Variants in CELF2 observed in about 807,000 individuals in gnomAD.
CELF2 encodes the protein CUG triplet repeat RNA-binding protein 2.
CELF2 carries 8 observed loss-of-function variants against 62.6 expected under a neutral mutation model. The observed-to-expected ratio is 0.13, with a 90% CI of 0.07 to 0.23. The LOEUF is 0.23. CELF2 is among the 10% of genes least tolerant of loss of function. The probability of loss-of-function intolerance (pLI) is 1.00; values close to 1 mark genes in which losing one functional copy is unlikely to be tolerated. For missense variants in CELF2, 333 were observed against 671.0 expected, an observed-to-expected ratio of 0.50 and a Z score of 5.56; for synonymous variants, 258 against 250.0, an observed-to-expected ratio of 1.03 and a Z score of -0.30.
At chr10:11,229,599 T>A (rs1467694925) in intron 3 of CELF2, among the ~76,000 whole-genome samples, 1 of 97,524 alleles carries the variant, frequency 1.0e-5, no homozygotes, top group African/African-American at 4.9e-5. Context: ...GGCATCAGTA[T>A]TTTTTTTTTT....
rs1285445234 is a variant in CELF2 at position 11,280,455 on chromosome 10, A to G, written c.841+5335A>G. On this transcript the variant is annotated intron_variant, in intron 8 of 12. Coordinates refer to ENST00000633077, the MANE Select transcript of CELF2 (RefSeq NM_001326342.2). The surrounding 1 kb of genome is among the most constrained non-coding windows in gnomAD (Gnocchi z 7.6). Reference sequence around the variant, plus strand: ...CCCCGCATAGGAGGGGAAGGCAGGCAGGTGCGATGTCCACGTTCCGGGTGA... The same window carrying G: ...CCCCGCATAGGAGGGGAAGGCAGGCGGGTGCGATGTCCACGTTCCGGGTGA... Among the ~76,000 whole-genome samples the G allele has an allele frequency of 1.3e-5, 2 of 152,212 alleles. No individual in the cohort carries two copies. The highest frequency in any genetic ancestry group is 6.5e-5 in the Admixed American group (1 of 15,286).
At chr10:11,235,815 G>T (rs1054963888) in intron 3 of CELF2, among the ~76,000 whole-genome samples, 2 of 151,232 alleles carry the variant, frequency 1.3e-5, no homozygotes, top group African/African-American at 2.4e-5. Flanking sequence ...TTTTTGGGGG[G>T]TGGGGGGACA....
rs1222826947 is a variant in CELF2 at position 11,191,926 on chromosome 10, T to A, written c.272-25499T>A. ...GGCCCCGCCCTGTGTCCACTCTACT[T>A]CTTAGGAACCTGGCAACCCCAGGGA... On this transcript the variant is annotated intron_variant, in intron 2 of 12. Coordinates refer to ENST00000633077, the MANE Select transcript of CELF2 (RefSeq NM_001326342.2). The surrounding 1 kb of genome is among the most constrained non-coding windows in gnomAD (Gnocchi z 4.1). Among the ~76,000 whole-genome samples, 2 of 152,130 alleles carry A rather than the reference T, an allele frequency of 1.3e-5. No homozygotes were observed. The highest frequency in any genetic ancestry group is 4.8e-5 in the African/African-American group (2 of 41,422).
At chr10:10,786,004 C>A in the CELF2 span, among the ~76,000 whole-genome samples, 34 of 152,120 alleles carry the variant, frequency 2.2e-4, no homozygotes, top group African/African-American at 8.0e-4. Context: ...AAATATATAT[C>A]ATTTTTATTT....
At chr10:10,703,582 A>T in the CELF2 span, among the ~76,000 whole-genome samples, 1 of 152,242 alleles carries the variant, frequency 6.6e-6, no homozygotes, top group South Asian at 2.1e-4. Context: ...ATTAAAGCAG[A>T]ATGTCTAGAG....
rs780389288 is a variant in CELF2, at chr10:11,165,463, G to T, written c.75-23G>T. ...CCCTCATCGTGCCGCCCTAACTCTG[G>T]CTCCCGGTTCCGTTTTTGACAGTAA... On this transcript the variant is annotated intron_variant, in intron 1 of 12. Coordinates refer to ENST00000633077, the MANE Select transcript of CELF2 (RefSeq NM_001326342.2). The surrounding 1 kb of genome is among the most constrained non-coding windows in gnomAD (Gnocchi z 7.4). 6.2e-7 allele frequency: 1 copy of T among 1,604,668 alleles called. No homozygotes were observed. The highest frequency in any genetic ancestry group is 1.7e-5 in the Admixed American group (1 of 59,138).
intron 2 of CELF2, among the ~76,000 whole-genome samples, chr10:10,943,629 C>T (rs1245211891): frequency 1.3e-5 from 2 of 152,098 alleles, no homozygotes; most frequent in Non-Finnish European, 2.9e-5. Flanking sequence ...GACAGAGTCT[C>T]GCTCTGTCAC....
chr10:10,848,916 G>A (rs2132716626), intron 1 of CELF2, among the ~76,000 whole-genome samples: 1 of 152,138 alleles, frequency 6.6e-6, no homozygotes, highest in Non-Finnish European at 1.5e-5. Flanking sequence ...CGTGACTATT[G>A]GCTGTTCTCA....
the CELF2 span, among the ~76,000 whole-genome samples, chr10:10,647,004 C>T: frequency 2.6e-5 from 4 of 152,176 alleles, no homozygotes; most frequent in Non-Finnish European, 5.9e-5. Flanking sequence ...CTGAAGGATA[C>T]ATTGCATTTC....
chr10:10,632,107 C>A, the CELF2 span, among the ~76,000 whole-genome samples: 1 of 152,182 alleles, frequency 6.6e-6, no homozygotes, highest in Non-Finnish European at 1.5e-5. Flanking sequence ...CCTCCTCTTC[C>A]ACTTTGTTTT....
At chr10:11,274,303 C>T (rs1201989491) in intron 7 of CELF2, among the ~76,000 whole-genome samples, 1 of 152,250 alleles carries the variant, frequency 6.6e-6, no homozygotes, top group African/African-American at 2.4e-5. Flanking sequence ...AGTCCAGCAG[C>T]ACCCCAGGGG....
upstream of CELF2, among the ~76,000 whole-genome samples, chr10:11,017,754 G>A (rs975003211): frequency 2.0e-5 from 3 of 151,986 alleles, no homozygotes; most frequent in East Asian, 3.9e-4. This position sits in a 1 kb window ranked among gnomAD's most constrained non-coding sequence, Gnocchi z 5.5. Context: ...CCGTGCCCGG[G>A]CGGTGAGCGC....
At chr10:10,517,428 G>T in the CELF2 span, among the ~76,000 whole-genome samples, 1 of 152,144 alleles carries the variant, frequency 6.6e-6, no homozygotes, top group African/African-American at 2.4e-5. Flanking sequence ...AAAACAGGGA[G>T]GTTGTCAACC....
intron 1 of CELF2, among the ~76,000 whole-genome samples, chr10:10,908,714 A>G (rs1439125483): frequency 4.6e-5 from 7 of 152,188 alleles, no homozygotes; most frequent in Non-Finnish European, 1.0e-4. Flanking sequence ...TTTCTTTGCT[A>G]TTTCCATAAG....
At chr10:10,604,225 G>T in the CELF2 span, among the ~76,000 whole-genome samples, 1 of 152,086 alleles carries the variant, frequency 6.6e-6, no homozygotes, top group Admixed American at 6.6e-5. Context: ...AACAAAAAAA[G>T]ATTTACAAAC....
intron 1 of CELF2, among the ~76,000 whole-genome samples, chr10:10,808,778 C>A (rs1390255216): frequency 6.6e-6 from 1 of 152,052 alleles, no homozygotes. Context: ...ATCTTTCTCT[C>A]CTAGGAAGAT....
Position 11,018,107 on chromosome 10 carries a change from G to A in CELF2, c.18G>A (p.Lys6=). Residue 6 remains lysine (K), a synonymous_variant, in exon 1 of 13, where the codon AAG becomes AAA. Transcript: ENST00000633077. MTSAF[K]LDFLPDMMVE... ...CCGCGAACATGACTTCTGCCTTCAA[G>A]CTGGATTTCCTCCCGGACATGATGG... 6.6e-7 allele frequency: 1 copy of A among 1,507,372 alleles called. No individual in the cohort carries two copies. Among genetic ancestry groups the A allele is most frequent in the Non-Finnish European group, 8.9e-7 (1 of 1,123,062 alleles). 93.4% of individuals were successfully genotyped at this position (1,507,372 alleles called of 1,614,324 possible).
chr10:11,096,003 C>A lies in CELF2; in HGVS notation c.75-69483C>A, dbSNP rs536187027. ...AAAGTATGTCTGGACACCTACCTCG[C>A]ATCCATAGGTATTAACAGCTCCTTC... is the stretch of plus-strand genomic sequence containing the variant. On this transcript the variant is annotated intron_variant, in intron 1 of 12. Coordinates refer to ENST00000633077, the MANE Select transcript of CELF2 (RefSeq NM_001326342.2). Among the ~76,000 whole-genome samples, 20 of 152,310 alleles carry A rather than the reference C, an allele frequency of 1.3e-4. No individual in the cohort carries two copies. In the East Asian group the frequency reaches 3.7e-3, roughly 28 times the overall value.
the CELF2 span, among the ~76,000 whole-genome samples, chr10:10,782,399 C>A: frequency 2.6e-5 from 4 of 152,168 alleles, no homozygotes; most frequent in African/African-American, 9.7e-5. Context: ...AGAAAGGGGG[C>A]AAATTCCTCC....
Sources: allele counts gnomAD v4.1 joint callset (sites outside exome capture counted in the v4.1 genomes callset), GRCh38; gene constraint gnomAD v4.1.1; non-coding constraint Gnocchi (gnomAD v3.1); transcripts MANE v1.5; gene names NCBI Gene and HGNC (gene_info 2026-07-23, HGNC 2026-07-21).